The following RCOR1 variants were observed in gnomAD, a reference collection of about 807,000 sequenced individuals.
The protein encoded by RCOR1 is REST corepressor 1, also known as REST corepressor.
In RCOR1, 12 loss-of-function variants were observed where a neutral mutation model predicts 64.0. The observed-to-expected ratio is 0.19, with a 90% CI of 0.12 to 0.30. The LOEUF (loss-of-function observed/expected upper bound fraction) is 0.30. RCOR1 is among the 10% of genes least tolerant of loss of function. The pLI is 1.00. For synonymous variants in RCOR1, 279 were observed against 227.2 expected (o/e 1.23, Z -2.05); for missense variants, 502 against 621.2 (o/e 0.81, Z 2.04).
intron 6 of RCOR1, among the ~76,000 whole-genome samples, chr14:102,710,270 CT>C (rs898423495): frequency 6.6e-6 from 1 of 152,138 alleles, no homozygotes; most frequent in Non-Finnish European, 1.5e-5. Flanking sequence ...ACTTAGTTTT[CT>C]TTTTTTACAG....
chr14:102,614,834 A>AT (rs771047712), intron 2 of RCOR1, among the ~76,000 whole-genome samples: 3,236 of 144,428 alleles, frequency 0.022, 45 homozygotes, highest in African/African-American at 0.036. Context: ...TTTCTGAATA[A>AT]TTTTTTTTTT....
At chr14:102,667,860 A>G (rs991668113) in intron 2 of RCOR1, among the ~76,000 whole-genome samples, 2 of 152,168 alleles carry the variant, frequency 1.3e-5, no homozygotes, top group Non-Finnish European at 2.9e-5. Flanking sequence ...ACAAGAAGAA[A>G]CAGCTTGTTG....
At chr14:102,693,296 A>G (rs368123939) in intron 3 of RCOR1, among the ~76,000 whole-genome samples, 4 of 152,194 alleles carry the variant, frequency 2.6e-5, no homozygotes, top group Non-Finnish European at 5.9e-5. Flanking sequence ...TGCGGGTTCC[A>G]TAAGGGCAGA....
At chr14:102,636,651 T>TA (rs1894244707) in intron 2 of RCOR1, among the ~76,000 whole-genome samples, 2 of 152,022 alleles carry the variant, frequency 1.3e-5, no homozygotes, top group South Asian at 4.1e-4. Context: ...CTTCACCCGT[T>TA]TTACTGAGTT....
chr14:102,614,939 C>G (rs766032623), intron 2 of RCOR1, among the ~76,000 whole-genome samples: 7 of 151,126 alleles, frequency 4.6e-5, no homozygotes, highest in Non-Finnish European at 8.8e-5. Flanking sequence ...TCATACCATT[C>G]TCCTGCCTCA....
chr14:102,729,325 T>A lies in RCOR1; in HGVS notation c.*2819T>A, dbSNP rs910812391. The stretch of plus-strand genomic sequence containing the variant: ...CCATTTAAACACCTTGTTACTTGAA[T>A]ATTGTGTTGACTGGTCTGCAACAGT... On this transcript the variant is annotated 3_prime_UTR_variant, in exon 12 of 12. Transcript: ENST00000262241. 1.3e-5 allele frequency: 2 copies of A among 152,720 alleles called. No individual in the cohort carries two copies. The highest frequency in any genetic ancestry group is 1.3e-4 in the Admixed American group (2 of 15,274). 9.5% of individuals were successfully genotyped at this position (152,720 alleles called of 1,614,324 possible). A position where few individuals can be genotyped will look rare whatever the true frequency, so the allele number is the denominator to read the frequency against.
intron 2 of RCOR1, among the ~76,000 whole-genome samples, chr14:102,673,541 T>C (rs1008925778): frequency 6.6e-6 from 1 of 152,106 alleles, no homozygotes; most frequent in Non-Finnish European, 1.5e-5. Flanking sequence ...TTCACTGTGT[T>C]AGCCAGGATG....
intron 4 of RCOR1, among the ~76,000 whole-genome samples, chr14:102,705,144 G>C (rs909913159): frequency 6.6e-6 from 1 of 151,916 alleles, no homozygotes; most frequent in Non-Finnish European, 1.5e-5. Context: ...AAAAAAAGAG[G>C]GGGGAAAGAA....
chr14:102,700,709 T>C (rs1186539097), intron 3 of RCOR1, among the ~76,000 whole-genome samples: 1 of 152,234 alleles, frequency 6.6e-6, no homozygotes, highest in Admixed American at 6.5e-5. Context: ...GTGATACTGC[T>C]GTTAATATTT....
chr14:102,670,400 C>T (rs1458015350), intron 2 of RCOR1, among the ~76,000 whole-genome samples: 1 of 151,962 alleles, frequency 6.6e-6, no homozygotes, highest in East Asian at 1.9e-4. Context: ...TAAAGCAAAC[C>T]AAACAGCTGT....
chr14:102,667,820 A>G lies in RCOR1; in HGVS notation c.362-14075A>G, dbSNP rs559174789. Among the ~76,000 whole-genome samples, 11 of 152,262 alleles carry G rather than the reference A, an allele frequency of 7.2e-5. No individual in the cohort carries two copies. The East Asian group carries it at 2.1e-3, about 29-fold the overall frequency. ...CATATTGCTGGGAGTTGGTGACTAT[A>G]CAAGTGATAGTGTTAATTTTTTTAG... On this transcript the variant is annotated intron_variant, in intron 2 of 11. Transcript: ENST00000262241.
chr14:102,721,088 G>A lies in RCOR1; in HGVS notation c.1131+4G>A. ...AGAACCATATCGACTTCCAGAGGTA[G>A]GATTATGTTAACATCATCTTAGAAG... On this transcript the variant is annotated splice_donor_region_variant and intron_variant, in intron 9 of 11. Transcript: ENST00000262241. 1 of 1,529,958 alleles carries A rather than the reference G, an allele frequency of 6.5e-7. No homozygotes were observed. Among genetic ancestry groups the A allele is most frequent in the Non-Finnish European group, 8.9e-7 (1 of 1,118,708 alleles). The allele number at this position is 1,529,958 out of a possible 1,614,324, so 94.8% of individuals were successfully genotyped here.
chr14:102,614,248 G>A (rs905178933), intron 2 of RCOR1, among the ~76,000 whole-genome samples: 13 of 139,200 alleles, frequency 9.3e-5, no homozygotes, highest in Middle Eastern at 4.5e-3. Flanking sequence ...TTTTTGAGAC[G>A]GAGTCTCGCT....
chr14:102,706,114 CAAAAAAAAAAAAA>C (rs71119732), intron 4 of RCOR1, among the ~76,000 whole-genome samples: 652 of 21,362 alleles, frequency 0.031, 22 homozygotes, highest in South Asian at 0.076. Flanking sequence ...AACCCTGTCT[CAAAAAAAAAAAAA>C]AAAAAAAAAA....
intron 3 of RCOR1, among the ~76,000 whole-genome samples, chr14:102,684,614 A>G (rs530131674): frequency 6.6e-6 from 1 of 152,332 alleles, no homozygotes; most frequent in South Asian, 2.1e-4. Flanking sequence ...AGTAATATTT[A>G]CATATTGTTG....
intron 2 of RCOR1, among the ~76,000 whole-genome samples, chr14:102,660,033 A>G (rs959134907): frequency 6.6e-6 from 1 of 152,226 alleles, no homozygotes; most frequent in Non-Finnish European, 1.5e-5. Context: ...TTATGCATGT[A>G]TTATCTCATT....
intron 3 of RCOR1, among the ~76,000 whole-genome samples, chr14:102,684,014 G>A (rs999355051): frequency 1.3e-5 from 2 of 152,200 alleles, no homozygotes; most frequent in Non-Finnish European, 2.9e-5. Context: ...AGCTCTGACC[G>A]TATCCCGCCT....
chr14:102,633,684 C>T (rs1271224150), intron 2 of RCOR1, among the ~76,000 whole-genome samples: 3 of 152,128 alleles, frequency 2.0e-5, no homozygotes, highest in South Asian at 2.1e-4. Flanking sequence ...GAATTACAGG[C>T]GTTCGCCAAC....
At chr14:102,684,166 C>T (rs2139963143) in intron 3 of RCOR1, among the ~76,000 whole-genome samples, 1 of 152,332 alleles carries the variant, frequency 6.6e-6, no homozygotes. Flanking sequence ...GCTGCGGAGT[C>T]TGAACCTCAA....
Sources: gnomAD v4.1 joint callset for allele counts (sites outside exome capture counted in the v4.1 genomes callset) on GRCh38, gnomAD v4.1.1 for gene constraint, MANE v1.5 for transcripts, NCBI Gene and HGNC (gene_info 2026-07-23, HGNC 2026-07-21) for gene names.